TENM3: variants seen among roughly 807,000 people sequenced by gnomAD.
TENM3 encodes teneurin-3.
In TENM3, 63 loss-of-function variants were observed where a neutral mutation model predicts 255.1. The observed-to-expected ratio is 0.25, with a 90% confidence interval of 0.20 to 0.30. The LOEUF is 0.30. Ranked by LOEUF, TENM3 falls within the 10% of genes least tolerant of loss-of-function variation. TENM3 has a pLI of 1.00. For synonymous variants in TENM3, 1,306 were observed against 1,322.3 expected (o/e 0.99, Z 0.27); for missense variants, 2,929 against 3,461.1 (o/e 0.85, Z 3.86).
upstream of TENM3, among the ~76,000 whole-genome samples, chr4:182,241,514 C>CTTT (rs1561232126): frequency 9.7e-6 from 1 of 102,626 alleles, no homozygotes; most frequent in Non-Finnish European, 1.9e-5. Context: ...TTTCTTTTTT[C>CTTT]TTTCTTTTTT....
At chr4:182,493,831 A>T (rs529501598) in intron 3 of TENM3, among the ~76,000 whole-genome samples, 1 of 152,292 alleles carries the variant, frequency 6.6e-6, no homozygotes, top group South Asian at 2.1e-4. Context: ...AATTATTAAA[A>T]AGAAATTGTC....
chr4:182,114,982 G>T, the TENM3 span, among the ~76,000 whole-genome samples: 10 of 152,104 alleles, frequency 6.6e-5, no homozygotes, highest in Non-Finnish European at 2.9e-5. Flanking sequence ...AGGAGTTCGA[G>T]ATCAGCCTGG....
At chr4:182,069,136 G>A in the TENM3 span, among the ~76,000 whole-genome samples, 14 of 152,296 alleles carry the variant, frequency 9.2e-5, no homozygotes, top group African/African-American at 3.1e-4. Context: ...TTCCATGCCA[G>A]TAATAGACCC....
intron 2 of TENM3, among the ~76,000 whole-genome samples, chr4:182,333,681 T>C (rs1476553139): frequency 6.6e-6 from 1 of 152,228 alleles, no homozygotes; most frequent in Non-Finnish European, 1.5e-5. Context: ...AAGGTTTACC[T>C]ATTCTCACAA....
At chr4:182,191,859 C>T (rs1357491297) in intron 1 of TENM3, among the ~76,000 whole-genome samples, 1 of 152,150 alleles carries the variant, frequency 6.6e-6, no homozygotes, top group Admixed American at 6.6e-5. Flanking sequence ...CAGATTATCG[C>T]TGATCTACTT....
At chr4:182,649,783 C>G (rs909615529) in intron 5 of TENM3, among the ~76,000 whole-genome samples, 3 of 150,268 alleles carry the variant, frequency 2.0e-5, no homozygotes, top group African/African-American at 7.3e-5. Context: ...CGGCCCCAGC[C>G]CCCAAGTACT....
chr4:182,754,261 A>G lies in TENM3; in HGVS notation c.4018-124A>G, dbSNP rs1198002575. ...GTTTATTTTACTGAGGCTATTGAAA[A>G]AACTATTATCAGACAGTTTATCTCA... On this transcript the variant is annotated intron_variant, in intron 21 of 27. Coordinates refer to ENST00000511685, the MANE Select transcript of TENM3 (RefSeq NM_001080477.4). The surrounding 1 kb of genome is among the most constrained non-coding windows in gnomAD (Gnocchi z 5.1). 3 of 1,022,872 alleles carry G rather than the reference A, an allele frequency of 2.9e-6. No homozygotes were observed. The highest frequency in any genetic ancestry group is 5.3e-5 in the East Asian group (2 of 37,732). 63.4% of individuals were successfully genotyped at this position (1,022,872 alleles called of 1,614,324 possible).
intron 1 of TENM3, among the ~76,000 whole-genome samples, chr4:182,196,757 T>C (rs1298807289): frequency 1.3e-5 from 2 of 152,198 alleles, no homozygotes; most frequent in Non-Finnish European, 2.9e-5. Flanking sequence ...CTTTGTAACA[T>C]TTTCTACACA....
chr4:181,615,398 T>C, the TENM3 span, among the ~76,000 whole-genome samples: 2 of 152,270 alleles, frequency 1.3e-5, no homozygotes, highest in East Asian at 1.9e-4. Flanking sequence ...TTAATGAATA[T>C]CCCACGCCCG....
chr4:182,798,219 G>A (rs1412486234), intron 27 of TENM3, among the ~76,000 whole-genome samples: 2 of 152,068 alleles, frequency 1.3e-5, no homozygotes, highest in Non-Finnish European at 2.9e-5. Context: ...CGTAGCACAG[G>A]CTGGTCTTGA....
chr4:181,689,261 A>G, the TENM3 span, among the ~76,000 whole-genome samples: 2 of 152,230 alleles, frequency 1.3e-5, no homozygotes, highest in Non-Finnish European at 2.9e-5. Flanking sequence ...AACTCATCTG[A>G]AAATTGGAAT....
intron 22 of TENM3, among the ~76,000 whole-genome samples, chr4:182,767,229 C>T (rs987606934): frequency 6.6e-6 from 1 of 152,194 alleles, no homozygotes; most frequent in African/African-American, 2.4e-5. Context: ...AAATCTTTCG[C>T]TGTTGCTGTT....
chr4:182,168,584 A>C (rs954166772), intron 1 of TENM3, among the ~76,000 whole-genome samples: 1 of 152,220 alleles, frequency 6.6e-6, no homozygotes, highest in Admixed American at 6.5e-5. Flanking sequence ...AAAGAAATGA[A>C]AAACTTCACC....
the TENM3 span, among the ~76,000 whole-genome samples, chr4:181,447,936 G>A: frequency 1.3e-5 from 2 of 151,966 alleles, no homozygotes; most frequent in South Asian, 2.1e-4. Flanking sequence ...GCCTATAGCC[G>A]TAGTACTTCT....
the TENM3 span, among the ~76,000 whole-genome samples, chr4:182,036,719 G>A: frequency 0.014 from 2,115 of 152,272 alleles, 23 homozygotes; most frequent in Non-Finnish European, 0.019. Context: ...TATAGGAACC[G>A]CTACTCTTGC....
the TENM3 span, among the ~76,000 whole-genome samples, chr4:181,629,058 G>C: frequency 6.6e-6 from 1 of 152,158 alleles, no homozygotes; most frequent in African/African-American, 2.4e-5. Context: ...CACATCCCTT[G>C]TAAGTTGGAT....
chr4:182,574,011 T>C (rs1744676242), intron 3 of TENM3, among the ~76,000 whole-genome samples: 1 of 152,140 alleles, frequency 6.6e-6, no homozygotes, highest in Non-Finnish European at 1.5e-5. Flanking sequence ...TAGCTAAAAG[T>C]ATTTTGTATT....
chr4:182,235,104 G>T (rs933709818), intron 1 of TENM3, among the ~76,000 whole-genome samples: 1 of 152,074 alleles, frequency 6.6e-6, no homozygotes, highest in Non-Finnish European at 1.5e-5. Context: ...ACTCTGCCCC[G>T]CCATCTTTGG....
chr4:182,679,866 C>T lies in TENM3; in HGVS notation c.1527C>T (p.Thr509=). The stretch of plus-strand genomic sequence containing the variant: ...ATGCAGAGCAGGTGTCTTTTAATAC[C>T]ATTGTTATAGGTAAGAATAGTCTTC... The part of the protein sequence containing the change: ...GKNAEQVSFN[T]IVIESVVECP... Residue 509 remains threonine, a synonymous_variant, in exon 8 of 28, where the codon ACC becomes ACT. Coordinates refer to ENST00000511685, the MANE Select transcript of TENM3 (RefSeq NM_001080477.4). The T allele has an allele frequency of 6.2e-7, 1 of 1,608,130 alleles. No individual in the cohort carries two copies. Among genetic ancestry groups the T allele is most frequent in the Non-Finnish European group, 8.5e-7 (1 of 1,176,692 alleles).
Sources: gnomAD v4.1 joint callset for allele counts (sites outside exome capture counted in the v4.1 genomes callset) on GRCh38, gnomAD v4.1.1 for gene constraint, Gnocchi (gnomAD v3.1) non-coding constraint, MANE v1.5 for transcripts, NCBI Gene and HGNC (gene_info 2026-07-23, HGNC 2026-07-21) for gene names.